Variants in NSMCE2 observed in about 807,000 individuals in gnomAD.
The protein encoded by NSMCE2 is E3 SUMO-protein ligase NSE2.
In NSMCE2, 24 loss-of-function variants were observed where a neutral mutation model predicts 23.8. That is an observed-to-expected ratio of 1.01 (90% confidence interval 0.73 to 1.42). NSMCE2 has a LOEUF of 1.42. Among genes scored for constraint, NSMCE2 ranks in the 40% most tolerant of loss-of-function variants. The pLI, the probability that NSMCE2 is intolerant of heterozygous loss-of-function variation, is 0.00. For synonymous variants in NSMCE2, 92 were observed against 94.1 expected (o/e 0.98, Z 0.13); for missense variants, 284 against 296.5 (o/e 0.96, Z 0.31).
chr8:125,323,895 A>G (rs1829545992), intron 5 of NSMCE2, among the ~76,000 whole-genome samples: 1 of 152,236 alleles, frequency 6.6e-6, no homozygotes, highest in South Asian at 2.1e-4. Context: ...TTATTTTCAA[A>G]TCACAAATCT....
chr8:125,206,462 T>C (rs1240644625), intron 5 of NSMCE2, among the ~76,000 whole-genome samples: 1 of 152,168 alleles, frequency 6.6e-6, no homozygotes, highest in East Asian at 1.9e-4. Flanking sequence ...GTTACAGGGG[T>C]TTAGTCAAGT....
intron 5 of NSMCE2, among the ~76,000 whole-genome samples, chr8:125,303,645 A>G (rs1482211970): frequency 6.6e-6 from 1 of 152,122 alleles, no homozygotes; most frequent in East Asian, 1.9e-4. Context: ...ACTGTTAACT[A>G]TATATTCCAA....
intron 4 of NSMCE2, among the ~76,000 whole-genome samples, chr8:125,172,922 C>CAT (rs1284787929): frequency 1.3e-5 from 2 of 152,144 alleles, no homozygotes; most frequent in Non-Finnish European, 2.9e-5. Flanking sequence ...TTTAGACTGT[C>CAT]ATTCACAGGG....
chr8:125,324,775 C>A lies in NSMCE2; in HGVS notation c.419-32444C>A, dbSNP rs1829593556. ...ATTTTTAGTAGAGACAGGGTTTCAC[C>A]ATGTTAGACAGGATGGTCTCGATCT... On this transcript the variant is annotated intron_variant, in intron 5 of 7. Coordinates refer to ENST00000287437, the MANE Select transcript of NSMCE2 (RefSeq NM_173685.4). Among the ~76,000 whole-genome samples the A allele has an allele frequency of 3.2e-5, 3 of 95,042 alleles. 1 individual carries two copies. The highest frequency in any genetic ancestry group is 3.3e-4 in the South Asian group (1 of 3,018). 62.4% of individuals were successfully genotyped at this position (95,042 alleles called of 152,430 possible).
intron 7 of NSMCE2, 107 bp from the exon 8 acceptor site, chr8:125,366,659 GAC>G (rs149174348): frequency 0.064 from 46,109 of 716,772 alleles, 1,845 homozygotes; most frequent in Non-Finnish European, 0.085. Flanking sequence ...TCCTGATTTT[GAC>G]ACTTTTCCTT....
intron 3 of NSMCE2, among the ~76,000 whole-genome samples, chr8:125,128,483 T>C (rs907142079): frequency 2.6e-5 from 4 of 152,210 alleles, no homozygotes; most frequent in Non-Finnish European, 4.4e-5. Context: ...CTCAAATTTC[T>C]GACATACGCA....
intron 5 of NSMCE2, among the ~76,000 whole-genome samples, chr8:125,338,298 A>G (rs1310928121): frequency 1.3e-5 from 2 of 151,412 alleles, no homozygotes; most frequent in African/African-American, 2.4e-5. Context: ...AAAAAAAAAA[A>G]GCTGCCTTTT....
intron 1 of NSMCE2, among the ~76,000 whole-genome samples, chr8:125,099,599 C>T (rs1410567283): frequency 6.6e-6 from 1 of 152,078 alleles, no homozygotes; most frequent in Non-Finnish European, 1.5e-5. Context: ...GAGTGATTAA[C>T]TGTGTTGCAT....
chr8:125,314,806 T>C (rs1829112523), intron 5 of NSMCE2, among the ~76,000 whole-genome samples: 1 of 152,210 alleles, frequency 6.6e-6, no homozygotes, highest in Non-Finnish European at 1.5e-5. Flanking sequence ...GTGTGCCAGC[T>C]CTTGGTGATA....
rs34284298 is a variant in NSMCE2 at position 125,134,722 on chromosome 8, C to CTTT, written c.158-16430_158-16428dup. Among the ~76,000 whole-genome samples, 143 of 117,706 alleles carry CTTT rather than the reference C, an allele frequency of 1.2e-3. 4 individuals are homozygous for CTTT. Among genetic ancestry groups the CTTT allele is most frequent in the Middle Eastern group, 9.5e-3 (2 of 210 alleles). The allele number at this position is 117,706 out of a possible 152,430, so 77.2% of individuals were successfully genotyped here. A position where few individuals can be genotyped will look rare whatever the true frequency, so the allele number is the denominator to read the frequency against. On this transcript the variant is annotated intron_variant, in intron 3 of 7. Coordinates refer to ENST00000287437, the MANE Select transcript of NSMCE2 (RefSeq NM_173685.4). ...CAGCCTCTTTGTTTTTAACGGATTCCTTTTTTTTTTTTTTTTTTTTTAAGA... is the reference window on the plus strand; with the variant it reads ...CAGCCTCTTTGTTTTTAACGGATTCCTTTTTTTTTTTTTTTTTTTTTTTTAAGA...
At chr8:125,122,610 A>G (rs1819324124) in intron 3 of NSMCE2, among the ~76,000 whole-genome samples, 1 of 152,066 alleles carries the variant, frequency 6.6e-6, no homozygotes, top group South Asian at 2.1e-4. Context: ...TCTTTCAAGG[A>G]TAAGCTTAAG....
intron 5 of NSMCE2, among the ~76,000 whole-genome samples, chr8:125,317,547 C>G (rs1829260803): frequency 6.6e-6 from 1 of 152,068 alleles, no homozygotes; most frequent in Non-Finnish European, 1.5e-5. Context: ...CTTTGAAATT[C>G]TTCCCTACCA....
intron 5 of NSMCE2, among the ~76,000 whole-genome samples, chr8:125,230,560 C>T (rs1481110588): frequency 6.6e-6 from 1 of 152,180 alleles, no homozygotes; most frequent in African/African-American, 2.4e-5. Flanking sequence ...TTCCTTTTGT[C>T]TCTTTTCTGT....
rs537255779 is a variant in NSMCE2 at position 125,105,075 on chromosome 8, A to G, written c.157+2588A>G. 9.2e-5 allele frequency among the ~76,000 whole-genome samples: 14 copies of G among 152,268 alleles called. No individual in the cohort carries two copies. The South Asian group carries it at 2.9e-3, about 32-fold the overall frequency. ...TGCGCAGGGAGGAGGCCATTGCAAG[A>G]CTTTTCCCAGTTTTCCCTTATTGCA... is the stretch of plus-strand genomic sequence containing the variant. On this transcript the variant is annotated intron_variant, in intron 3 of 7. Coordinates refer to ENST00000287437, the MANE Select transcript of NSMCE2 (RefSeq NM_173685.4).
chr8:125,195,580 G>A (rs1349808082), intron 5 of NSMCE2, among the ~76,000 whole-genome samples: 1 of 152,070 alleles, frequency 6.6e-6, no homozygotes, highest in Non-Finnish European at 1.5e-5. Context: ...TTTGAAACTC[G>A]ATGTTGTACT....
chr8:125,294,985 G>T (rs2131175486), intron 5 of NSMCE2, among the ~76,000 whole-genome samples: 1 of 152,274 alleles, frequency 6.6e-6, no homozygotes, highest in East Asian at 1.9e-4. Flanking sequence ...TTTCTCCTCT[G>T]TGATCCATCA....
In NSMCE2 at chr8:125,127,429, G is replaced by A. The variant is rs147547406; in HGVS notation, c.158-23742G>A. On this transcript the variant is annotated intron_variant, in intron 3 of 7. Transcript: ENST00000287437. ...GATATGGTTTAAGAAACAAAAGTAT[G>A]TTCTAGTTTTAGAAAAATTAGTATG... Among the ~76,000 whole-genome samples the A allele has an allele frequency of 3.3e-4, 50 of 152,266 alleles. No homozygotes were observed. The East Asian group carries it at 9.1e-3, about 28-fold the overall frequency.
At chr8:125,119,153 C>T (rs919669515) in intron 3 of NSMCE2, among the ~76,000 whole-genome samples, 1 of 152,158 alleles carries the variant, frequency 6.6e-6, no homozygotes, top group African/African-American at 2.4e-5. Flanking sequence ...CTGTTCACCT[C>T]ATCTCACCTC....
chr8:125,281,137 T>C (rs892616546), intron 5 of NSMCE2, among the ~76,000 whole-genome samples: 4 of 152,222 alleles, frequency 2.6e-5, no homozygotes, highest in African/African-American at 9.6e-5. Context: ...TGACTGTCTT[T>C]CTTCCTTAAA....
Sources: allele counts gnomAD v4.1 joint callset (sites outside exome capture counted in the v4.1 genomes callset), GRCh38; gene constraint gnomAD v4.1.1; transcripts MANE v1.5; gene names NCBI Gene and HGNC (gene_info 2026-07-23, HGNC 2026-07-21).